TNFSF8: variants seen among roughly 807,000 people sequenced by gnomAD.
TNFSF8 encodes tumor necrosis factor ligand superfamily member 8.
TNFSF8 carries 4 observed loss-of-function variants against 22.0 expected under a neutral mutation model. The ratio of observed to expected loss-of-function variants is 0.18; its 90% CI spans 0.09 to 0.42. TNFSF8 has a LOEUF of 0.42. TNFSF8 is among the 10% of genes least tolerant of loss of function. The pLI is 1.00. For missense variants in TNFSF8, 233 were observed against 281.8 expected (o/e 0.83, Z 1.24); for synonymous variants, 106 against 112.5 (o/e 0.94, Z 0.37).
chr9:114,909,590 A>C (rs901137120), intron 2 of TNFSF8, among the ~76,000 whole-genome samples: 1 of 152,172 alleles, frequency 6.6e-6, no homozygotes, highest in African/African-American at 2.4e-5. Context: ...GGATTTGATG[A>C]TCTGTCTTAA....
chr9:114,910,055 A>T (rs1323331823), intron 2 of TNFSF8, among the ~76,000 whole-genome samples: 2 of 152,182 alleles, frequency 1.3e-5, no homozygotes, highest in Non-Finnish European at 2.9e-5. Flanking sequence ...AGACAACCCT[A>T]GCACTGCCTG....
At position 114,901,294 on chromosome 9, in the gene TNFSF8, A is replaced by G; in HGVS notation, c.*2637T>C. The stretch of plus-strand genomic sequence containing the variant: ...TTCCTGGGTTGCCTACTCCCTACAT[A>G]TCTATCAGTTGAGTTATTAATGATT... On this transcript the variant is annotated 3_prime_UTR_variant, in exon 4 of 4. Transcript: ENST00000223795. The G allele has an allele frequency of 1.0e-6, 1 of 985,334 alleles. No individual in the cohort carries two copies. The highest frequency in any genetic ancestry group is 1.2e-6 in the Non-Finnish European group (1 of 829,902). 61.0% of individuals were successfully genotyped at this position (985,334 alleles called of 1,614,324 possible).
chr9:114,923,130 C>T (rs1373659738), intron 1 of TNFSF8, among the ~76,000 whole-genome samples: 4 of 151,938 alleles, frequency 2.6e-5, no homozygotes, highest in South Asian at 2.1e-4. Context: ...CATCTAGTTC[C>T]GTTTCTTCTC....
intron 2 of TNFSF8, among the ~76,000 whole-genome samples, chr9:114,913,525 C>T (rs1827877657): frequency 6.6e-6 from 1 of 152,112 alleles, no homozygotes; most frequent in Non-Finnish European, 1.5e-5. Flanking sequence ...CTGGGGGCCG[C>T]AGGTGCCGAA....
chr9:114,916,694 C>T (rs1827923245), intron 2 of TNFSF8, among the ~76,000 whole-genome samples: 1 of 152,180 alleles, frequency 6.6e-6, no homozygotes, highest in South Asian at 2.1e-4. Context: ...CCAAATCCAG[C>T]CCACCACCTC....
chr9:114,926,650 T>C (rs1432237302), intron 1 of TNFSF8, among the ~76,000 whole-genome samples: 2 of 152,168 alleles, frequency 1.3e-5, no homozygotes. Context: ...CTCTAAGATA[T>C]ACAGTGTGTT....
rs1415902955 is a variant in TNFSF8 at position 114,907,038 on chromosome 9, G to A, written c.239-1139C>T. 3.9e-5 allele frequency among the ~76,000 whole-genome samples: 6 copies of A among 152,192 alleles called. No homozygotes were observed. In the South Asian group the frequency reaches 8.3e-4, roughly 21 times the overall value. ...TGGGATATTTGCTCACTGCATTGCC[G>A]AGTAGTACCTGCTGGGCTCACAACC... On this transcript the variant is annotated intron_variant, in intron 2 of 3. Transcript: ENST00000223795.
chr9:114,894,674 T>C lies in TNFSF8; in HGVS notation c.410-510A>G, dbSNP rs146429403. Among the ~76,000 whole-genome samples, 918 of 152,322 alleles carry C rather than the reference T, an allele frequency of 6.0e-3. 19 individuals carry two copies. The highest frequency in any genetic ancestry group is 0.021 in the African/African-American group (864 of 41,582). On this transcript the variant is annotated intron_variant, in intron 4 of 4. Transcript: ENST00000618336. The stretch of plus-strand genomic sequence containing the variant: ...GGGTGAGATGCAGTAGACTACAGTA[T>C]TTGAAGGCTTCCATGTGGTGCCTGA...
exon 5 of TNFSF8, chr9:114,893,633 T>G (rs574496320): frequency 6.0e-6 from 1 of 167,774 alleles, no homozygotes; most frequent in African/African-American, 2.4e-5. Flanking sequence ...AAAACTTTCC[T>G]AGAACAACAA....
At chr9:114,904,871 T>A (rs941245430) in intron 3 of TNFSF8, among the ~76,000 whole-genome samples, 2 of 152,220 alleles carry the variant, frequency 1.3e-5, no homozygotes, top group Non-Finnish European at 2.9e-5. Flanking sequence ...CCATTAATTT[T>A]CACATTAAGA....
chr9:114,907,356 G>A (rs558774690), intron 2 of TNFSF8, among the ~76,000 whole-genome samples: 1 of 152,156 alleles, frequency 6.6e-6, no homozygotes, highest in Non-Finnish European at 1.5e-5. Context: ...GGTCCTGCCT[G>A]TTGCAGCCCA....
chr9:114,901,060 G>A, downstream of TNFSF8: 1 of 985,118 alleles, frequency 1.0e-6, no homozygotes, highest in African/African-American at 1.7e-5. Context: ...TGTGTGGTGG[G>A]GAGGTGGGGT....
rs1827717399 is a variant in TNFSF8, at chr9:114,901,568, C to T, written c.*2363G>A. 2 of 985,280 alleles carry T rather than the reference C, an allele frequency of 2.0e-6. No homozygotes were observed. Among genetic ancestry groups the T allele is most frequent in the Middle Eastern group, 5.2e-4 (1 of 1,914 alleles). The allele number at this position is 985,280 out of a possible 1,614,324, so 61.0% of individuals were successfully genotyped here. On this transcript the variant is annotated 3_prime_UTR_variant, in exon 4 of 4. Coordinates refer to ENST00000223795, the MANE Select transcript of TNFSF8 (RefSeq NM_001244.4). ...CACAGTTGGGTTGCATATACCTTTT[C>T]AAGAATGCATGAGTTGGTTTAAGCA...
chr9:114,915,215 G>A (rs1827903932), intron 2 of TNFSF8, among the ~76,000 whole-genome samples: 1 of 152,184 alleles, frequency 6.6e-6, no homozygotes, highest in South Asian at 2.1e-4. Flanking sequence ...GTTCGTTGGG[G>A]AAGGAAGCTG....
intron 2 of TNFSF8, among the ~76,000 whole-genome samples, chr9:114,916,463 T>C (rs757865986): frequency 6.6e-6 from 1 of 152,212 alleles, no homozygotes; most frequent in Non-Finnish European, 1.5e-5. Flanking sequence ...ACTGAGACCG[T>C]GTTCATGTTA....
chr9:114,895,022 T>A (rs1388989176), intron 4 of TNFSF8, among the ~76,000 whole-genome samples: 1 of 152,182 alleles, frequency 6.6e-6, no homozygotes, highest in African/African-American at 2.4e-5. Flanking sequence ...ATAGTCAGAA[T>A]GTCAAGGAGG....
At chr9:114,907,961 C>G (rs1022038271) in intron 2 of TNFSF8, among the ~76,000 whole-genome samples, 2 of 152,300 alleles carry the variant, frequency 1.3e-5, no homozygotes, top group South Asian at 2.1e-4. Context: ...GGATTCCTGA[C>G]TGCTGTCCGG....
rs1009852915 is a variant in TNFSF8, at chr9:114,903,432, C to G, written c.*499G>C. The G allele has an allele frequency of 6.5e-6, 1 of 152,932 alleles. No individual in the cohort carries two copies. The highest frequency in any genetic ancestry group is 2.4e-5 in the African/African-American group (1 of 41,416). The allele number at this position is 152,932 out of a possible 1,614,324, so 9.5% of individuals were successfully genotyped here. ...GTATCTGCCAGTATAGGGAAGTTTCCTGTGTGAGAGAGTCCTTGATCGCGA... is the reference window on the plus strand; with the variant it reads ...GTATCTGCCAGTATAGGGAAGTTTCGTGTGTGAGAGAGTCCTTGATCGCGA... On this transcript the variant is annotated 3_prime_UTR_variant, in exon 4 of 4. Transcript: ENST00000223795.
intron 1 of TNFSF8, among the ~76,000 whole-genome samples, chr9:114,927,986 G>C (rs934622295): frequency 6.6e-6 from 1 of 151,478 alleles, no homozygotes; most frequent in Non-Finnish European, 1.5e-5. Context: ...TTTCTTGTTA[G>C]GTCTTACAAC....
Sources: gnomAD v4.1 joint callset for allele counts (sites outside exome capture counted in the v4.1 genomes callset) on GRCh38, gnomAD v4.1.1 for gene constraint, MANE v1.5 for transcripts, NCBI Gene and HGNC (gene_info 2026-07-23, HGNC 2026-07-21) for gene names.